TTC19: variants seen among roughly 807,000 people sequenced by gnomAD.
TTC19 encodes the protein tetratricopeptide repeat protein 19, mitochondrial.
A neutral mutation model predicts 49.5 loss-of-function variants in TTC19; 38 were observed. That is an observed-to-expected ratio of 0.77 (90% CI 0.59 to 1.01). The LOEUF (loss-of-function observed/expected upper bound fraction) is 1.01, where lower values mean the gene tolerates loss of function less well. Among genes scored for constraint, TTC19 ranks in the 50% least tolerant of loss-of-function variants. The probability of loss-of-function intolerance (pLI) is 0.00; values close to 1 mark genes in which losing one functional copy is unlikely to be tolerated. For missense variants in TTC19, 475 were observed against 477.7 expected, an observed-to-expected ratio of 0.99 and a Z score of 0.05; for synonymous variants, 204 against 185.2, an observed-to-expected ratio of 1.10 and a Z score of -0.83.
chr17:16,026,817 T>A, intron 9 of TTC19, 115 bp downstream of exon 9: 2 of 1,092,940 alleles, frequency 1.8e-6, no homozygotes, highest in Non-Finnish European at 2.8e-6. Context: ...ACATGTAAAT[T>A]AAAAGACTGG....
rs1051518719 is a variant in TTC19 at position 16,028,761 on chromosome 17, A to G, written c.*1239A>G. 4.7e-6 allele frequency: 2 copies of G among 425,868 alleles called. No individual in the cohort carries two copies. Among genetic ancestry groups the G allele is most frequent in the Non-Finnish European group, 9.2e-6 (2 of 216,592 alleles). The allele number at this position is 425,868 out of a possible 1,614,324, so 26.4% of individuals were successfully genotyped here. On this transcript the variant is annotated 3_prime_UTR_variant, in exon 10 of 10. Transcript: ENST00000261647. ...GTATGTACATACTGGAAGAATCTTC[A>G]TAATAAATGAGACTACACAACAATA...
chr17:16,013,066 C>T (rs543869103), intron 7 of TTC19, among the ~76,000 whole-genome samples: 234 of 152,060 alleles, frequency 1.5e-3, no homozygotes, highest in Non-Finnish European at 7.8e-4. Context: ...TACCTGGGCA[C>T]GGTGGCACAT....
At chr17:16,032,438 C>T, downstream of TTC19, 1 of 1,613,080 alleles carries the variant, frequency 6.2e-7, no homozygotes, top group Non-Finnish European at 8.5e-7. Flanking sequence ...TGGAGTACTG[C>T]TGAGCATCCG....
intron 7 of TTC19, among the ~76,000 whole-genome samples, chr17:16,006,897 A>G (rs762732381): frequency 5.1e-4 from 78 of 152,340 alleles, no homozygotes; most frequent in Non-Finnish European, 8.1e-4. Context: ...GCTACCAATC[A>G]AAATGCTTAT....
intron 7 of TTC19, among the ~76,000 whole-genome samples, chr17:16,018,872 A>G (rs1376268523): frequency 1.3e-5 from 2 of 152,172 alleles, no homozygotes; most frequent in African/African-American, 2.4e-5. Flanking sequence ...GACTTACCAA[A>G]TATCTGTGTA....
chr17:16,034,970 A>G (rs754557448), intron 2 of TTC19: 12 of 1,606,332 alleles, frequency 7.5e-6, no homozygotes, highest in Non-Finnish European at 1.0e-5. Context: ...AAGTTAAAGT[A>G]TTAATATATT....
chr17:16,030,037 A>G (rs1186610268), downstream of TTC19: 1 of 173,940 alleles, frequency 5.7e-6, no homozygotes, highest in African/African-American at 2.4e-5. Flanking sequence ...GACTCCTCCA[A>G]AACTTAACTA....
intron 2 of TTC19, chr17:16,034,996 AC>A: frequency 1.3e-6 from 2 of 1,543,078 alleles, no homozygotes; most frequent in Non-Finnish European, 1.8e-6. Context: ...CTCAAAAATT[AC>A]CAAAATGCTA....
intron 4 of TTC19, 69 bp from the exon 5 acceptor site, chr17:16,003,762 T>C: frequency 7.2e-7 from 1 of 1,385,078 alleles, no homozygotes; most frequent in Non-Finnish European, 1.0e-6. Context: ...GCACTTAGAA[T>C]CCAGGGTCAT....
chr17:16,016,039 T>C (rs1038468582), intron 7 of TTC19, among the ~76,000 whole-genome samples: 10 of 152,178 alleles, frequency 6.6e-5, no homozygotes, highest in African/African-American at 2.4e-4. Context: ...ATTTCTACTT[T>C]GTCTTTATTA....
Position 16,021,174 on chromosome 17 carries a change from T to C in TTC19, c.677-3843T>C, listed in dbSNP as rs951924790. Among the ~76,000 whole-genome samples, 3 of 152,054 alleles carry C rather than the reference T, an allele frequency of 2.0e-5. No individual in the cohort carries two copies. The South Asian group carries it at 6.2e-4, about 31-fold the overall frequency. ...AGGCCAAGGCGGGCGGATCATGAGG[T>C]CAGGAGTTCAAGACCAGCCTGGCAA... On this transcript the variant is annotated intron_variant, in intron 7 of 9. Coordinates refer to ENST00000261647, the MANE Select transcript of TTC19 (RefSeq NM_017775.4).
intron 7 of TTC19, among the ~76,000 whole-genome samples, chr17:16,022,782 A>T (rs1971423921): frequency 6.6e-6 from 1 of 152,192 alleles, no homozygotes; most frequent in Admixed American, 6.5e-5. Context: ...TGAGTAAAAA[A>T]TTCTATAGTG....
intron 7 of TTC19, among the ~76,000 whole-genome samples, chr17:16,014,347 G>A (rs1252709877): frequency 6.6e-6 from 1 of 152,160 alleles, no homozygotes; most frequent in Non-Finnish European, 1.5e-5. Flanking sequence ...AGAAAAGAAC[G>A]GATACTGGGA....
intron 7 of TTC19, 47 bp from the exon 8 acceptor site, chr17:16,024,970 G>T: frequency 1.3e-6 from 2 of 1,596,176 alleles, no homozygotes; most frequent in Non-Finnish European, 1.7e-6. Flanking sequence ...TGTGGGTCCT[G>T]GTAACAACCA....
intron 2 of TTC19, chr17:16,034,718 GATATT>G: frequency 2.0e-6 from 3 of 1,487,032 alleles, no homozygotes; most frequent in Non-Finnish European, 2.8e-6. Context: ...CCAAGACATT[GATATT>G]ATTGCTCTGT....
downstream of TTC19, chr17:16,032,142 C>T (rs73981417): frequency 0.036 from 27,117 of 750,356 alleles, 691 homozygotes; most frequent in African/African-American, 0.1. Context: ...TCCAAATGAA[C>T]TTCCATCATT....
intron 2 of TTC19, chr17:16,040,564 A>C (rs908511919): frequency 6.0e-5 from 74 of 1,242,158 alleles, no homozygotes; most frequent in Non-Finnish European, 9.2e-6. Context: ...AGTCTCAAAA[A>C]ATTCCTATAA....
intron 4 of TTC19, among the ~76,000 whole-genome samples, chr17:16,003,422 C>CTTAT (rs149202647): frequency 0.018 from 2,680 of 148,676 alleles, 89 homozygotes; most frequent in African/African-American, 0.063. Context: ...GGCTAATTTT[C>CTTAT]TTATTTATTT....
chr17:16,002,372 T>C (rs1470087869), intron 3 of TTC19, among the ~76,000 whole-genome samples: 1 of 152,154 alleles, frequency 6.6e-6, no homozygotes, highest in Admixed American at 6.5e-5. Flanking sequence ...AGACGAGGTT[T>C]CACCATATTG....
Sources: gnomAD v4.1 joint callset for allele counts (sites outside exome capture counted in the v4.1 genomes callset) on GRCh38, gnomAD v4.1.1 for gene constraint, MANE v1.5 for transcripts, NCBI Gene and HGNC (gene_info 2026-07-23, HGNC 2026-07-21) for gene names.